Variants in SMDT1 observed in about 807,000 individuals in gnomAD.
The protein encoded by SMDT1 is essential MCU regulator, mitochondrial.
In SMDT1, 6 loss-of-function variants were observed where a neutral mutation model predicts 5.9. That is an observed-to-expected ratio of 1.03 (90% CI 0.56 to 2.02). The LOEUF (loss-of-function observed/expected upper bound fraction) is 2.02. SMDT1 is among the 30% of genes most tolerant of loss of function. The pLI, the probability that SMDT1 is intolerant of heterozygous loss-of-function variation, is 0.00. For missense variants in SMDT1, 159 were observed against 145.6 expected, an observed-to-expected ratio of 1.09 and a Z score of -0.47; for synonymous variants, 81 against 62.4, an observed-to-expected ratio of 1.30 and a Z score of -1.40.
chr22:42,079,732 G>C lies in SMDT1; in HGVS notation c.-37G>C, dbSNP rs767256057. ...AGGGCGGCACGAGGGCTGGGCGGTG[G>C]GGTGCGGGTGCCCGGGTGAGGGGCG... is the stretch of plus-strand genomic sequence containing the variant. On this transcript the variant is annotated 5_prime_UTR_variant, in exon 1 of 3. Coordinates refer to ENST00000331479, the MANE Select transcript of SMDT1 (RefSeq NM_033318.5). 6 of 1,580,366 alleles carry C rather than the reference G, an allele frequency of 3.8e-6. No homozygotes were observed. In the South Asian group the frequency reaches 6.7e-5, roughly 18 times the overall value.
Position 42,080,004 on chromosome 22 carries a change from G to A in SMDT1, c.186+50G>A, listed in dbSNP as rs746440218. 5.2e-6 allele frequency: 8 copies of A among 1,552,012 alleles called. No individual in the cohort carries two copies. In the South Asian group the frequency reaches 9.6e-5, roughly 19 times the overall value. ...CGAAGGGGCTGAGGCCAATCATTGT[G>A]GGGAGTGCGTGAGGGCGGCGCTGAT... On this transcript the variant is annotated intron_variant, in intron 1 of 2. Coordinates refer to ENST00000331479, the MANE Select transcript of SMDT1 (RefSeq NM_033318.5).
Position 42,079,910 on chromosome 22 carries a change from G to C in SMDT1, c.142G>C (p.Val48Leu). ...CCGGAGCCTGGTACCGTCGAGGTCA[G>C]TCATCGTTACCCGCAGCGGCGCCAT... ...SGRSLVPSRS[V>L]IVTRSGAILP... The change falls in exon 1 of 3, where the codon GTC becomes CTC. Residue 48 changes from valine to leucine, a missense_variant. By Grantham distance (32) the Val-to-Leu change is conservative. Transcript: ENST00000331479. 2 of 1,613,766 alleles carry C rather than the reference G, an allele frequency of 1.2e-6. No individual in the cohort carries two copies. Among genetic ancestry groups the C allele is most frequent in the Non-Finnish European group, 8.5e-7 (1 of 1,179,858 alleles).
Position 42,079,751 on chromosome 22 carries a change from A to AG in SMDT1, c.-14dup, listed in dbSNP as rs754411361. On this transcript the variant is annotated 5_prime_UTR_variant, in exon 1 of 3. Transcript: ENST00000331479. ...GCGGTGGGGTGCGGGTGCCCGGGTGAGGGGCGGAGCTGGGGGCATGGCGTC... is the reference window on the plus strand; with the variant it reads ...GCGGTGGGGTGCGGGTGCCCGGGTGAGGGGGCGGAGCTGGGGGCATGGCGTC... 56 of 1,594,428 alleles carry AG rather than the reference A, an allele frequency of 3.5e-5. No individual in the cohort carries two copies. Among genetic ancestry groups the AG allele is most frequent in the Admixed American group, 2.0e-4 (12 of 59,052 alleles).
rs1043960050 is a variant in SMDT1 at position 42,080,061 on chromosome 22, C to T, written c.186+107C>T. ...GAGCCAAGGCCAATCATAACGATTA[C>T]CGTAGACTGGAAGGCGGACCAAGAA... is the stretch of plus-strand genomic sequence containing the variant. On this transcript the variant is annotated intron_variant, in intron 1 of 2. Transcript: ENST00000331479. 6 of 1,249,540 alleles carry T rather than the reference C, an allele frequency of 4.8e-6. No individual in the cohort carries two copies. The East Asian group carries it at 7.6e-5, about 16-fold the overall frequency. 77.4% of individuals were successfully genotyped at this position (1,249,540 alleles called of 1,614,324 possible).
chr22:42,079,762 T>G lies in SMDT1; in HGVS notation c.-7T>G, dbSNP rs1413420179. On this transcript the variant is annotated 5_prime_UTR_variant, in exon 1 of 3. Coordinates refer to ENST00000331479, the MANE Select transcript of SMDT1 (RefSeq NM_033318.5). ...CGGGTGCCCGGGTGAGGGGCGGAGC[T>G]GGGGGCATGGCGTCCGGAGCGGCTC... 3 of 1,603,384 alleles carry G rather than the reference T, an allele frequency of 1.9e-6. No individual in the cohort carries two copies. In the East Asian group the frequency reaches 6.7e-5, roughly 36 times the overall value.
intron 1 of SMDT1, 63 bp from the exon 2 acceptor site, chr22:42,081,862 G>A: frequency 6.2e-7 from 1 of 1,600,642 alleles, no homozygotes; most frequent in South Asian, 1.1e-5. Context: ...AGAGGGCCAG[G>A]TCTTCTTTGG....
intron 2 of SMDT1, 59 bp downstream of exon 2, chr22:42,082,124 G>A: frequency 1.3e-6 from 2 of 1,595,062 alleles, no homozygotes; most frequent in South Asian, 1.1e-5. Flanking sequence ...TGTCTGTGAT[G>A]CAGTCTGGCC....
rs919188139 is a variant in SMDT1, at chr22:42,083,938, G to A, written c.*823G>A. 6.6e-6 allele frequency: 1 copy of A among 152,160 alleles called. No homozygotes were observed. The highest frequency in any genetic ancestry group is 1.5e-5 in the Non-Finnish European group (1 of 68,044). 9.4% of individuals were successfully genotyped at this position (152,160 alleles called of 1,614,324 possible). On this transcript the variant is annotated 3_prime_UTR_variant, in exon 3 of 3. Transcript: ENST00000331479. ...CTCTGACCTACCTTGTCTGATTTTAGGTCATGAGACCCCCATTTCAGAAGG... is the reference window on the plus strand; with the variant it reads ...CTCTGACCTACCTTGTCTGATTTTAAGTCATGAGACCCCCATTTCAGAAGG...
At position 42,079,723 on chromosome 22, in the gene SMDT1, T is replaced by G; in HGVS notation, c.-46T>G. 1 of 1,568,242 alleles carries G rather than the reference T, an allele frequency of 6.4e-7. No individual in the cohort carries two copies. The highest frequency in any genetic ancestry group is 2.3e-5 in the East Asian group (1 of 44,008). ...TTCTTCCCGAGGGCGGCACGAGGGC[T>G]GGGCGGTGGGGTGCGGGTGCCCGGG... is the stretch of plus-strand genomic sequence containing the variant. On this transcript the variant is annotated 5_prime_UTR_variant, in exon 1 of 3. Transcript: ENST00000331479.
intron 1 of SMDT1, among the ~76,000 whole-genome samples, chr22:42,081,169 C>CTT (rs58944505): frequency 6.9e-5 from 10 of 144,098 alleles, no homozygotes; most frequent in East Asian, 2.0e-4. Context: ...ACCTTATCTC[C>CTT]TTTTTTTTTT....
At chr22:42,082,416 G>A (rs762349972) in intron 2 of SMDT1, among the ~76,000 whole-genome samples, 2 of 152,122 alleles carry the variant, frequency 1.3e-5, no homozygotes, top group Non-Finnish European at 2.9e-5. Flanking sequence ...AGCCAGGCTA[G>A]TCTCAAACTC....
intron 1 of SMDT1, among the ~76,000 whole-genome samples, chr22:42,081,627 A>AT (rs1234593083): frequency 1.3e-5 from 2 of 150,870 alleles, no homozygotes; most frequent in Non-Finnish European, 2.9e-5. Flanking sequence ...TGCTGGGTCA[A>AT]TTTTTTGTAT....
rs982159427 is a variant in SMDT1, at chr22:42,079,700, C to T, written c.-69C>T. 84 of 1,514,650 alleles carry T rather than the reference C, an allele frequency of 5.5e-5. 2 individuals are homozygous for T. The South Asian group carries it at 9.8e-4, about 18-fold the overall frequency. 93.8% of individuals were successfully genotyped at this position (1,514,650 alleles called of 1,614,324 possible). On this transcript the variant is annotated 5_prime_UTR_variant, in exon 1 of 3. Transcript: ENST00000331479. ...CTCTCGCGAGGCTTCGGGCGGCTTT[C>T]TTCCCGAGGGCGGCACGAGGGCTGG...
intron 2 of SMDT1, among the ~76,000 whole-genome samples, chr22:42,082,549 A>T (rs1201850997): frequency 1.3e-5 from 2 of 152,218 alleles, no homozygotes; most frequent in African/African-American, 4.8e-5. Flanking sequence ...TCAAGAGATG[A>T]GGACACTCCT....
chr22:42,082,057 G>GACT lies in SMDT1; in HGVS notation c.321_323dup (p.Asp107_Ter108insTyr). Reference sequence around the variant, plus strand: ...TGTTCCAGAGGATGATGATGATGATGACTAACAGGTAAGACTTGCTTTACC... The same window carrying GACT: ...TGTTCCAGAGGATGATGATGATGATGACTACTAACAGGTAAGACTTGCTTTACC... On this transcript the variant is annotated inframe_insertion, in exon 2 of 3. Coordinates refer to ENST00000331479, the MANE Select transcript of SMDT1 (RefSeq NM_033318.5). 6.2e-7 allele frequency: 1 copy of GACT among 1,611,748 alleles called. No individual in the cohort carries two copies. The highest frequency in any genetic ancestry group is 8.5e-7 in the Non-Finnish European group (1 of 1,179,998).
chr22:42,079,893 T>C lies in SMDT1; in HGVS notation c.125T>C (p.Leu42Pro). ...SAAWSGSGRS[L>P]VPSRSVIVTR... The stretch of plus-strand genomic sequence containing the variant: ...GCATGGAGCGGCTCAGGCCGGAGCC[T>C]GGTACCGTCGAGGTCAGTCATCGTT... The change falls in exon 1 of 3, where the codon CTG (leucine) becomes CCG (proline). Residue 42 changes from leucine to proline, a missense_variant. By Grantham distance (98) the Leu-to-Pro change is moderately conservative. Transcript: ENST00000331479. The C allele has an allele frequency of 3.1e-6, 5 of 1,614,166 alleles. No individual in the cohort carries two copies. The highest frequency in any genetic ancestry group is 4.2e-6 in the Non-Finnish European group (5 of 1,180,008).
At chr22:42,082,389 C>T (rs768670968) in intron 2 of SMDT1, among the ~76,000 whole-genome samples, 2 of 152,078 alleles carry the variant, frequency 1.3e-5, no homozygotes, top group South Asian at 4.1e-4. Context: ...TTAGTAGAGA[C>T]GGGGTTTCTC....
intron 1 of SMDT1, 47 bp from the exon 2 acceptor site, chr22:42,081,878 C>T (rs1927805037): frequency 1.2e-6 from 2 of 1,609,496 alleles, no homozygotes; most frequent in Non-Finnish European, 1.7e-6. Flanking sequence ...TTTGGTCCTG[C>T]CAGAGTGGGC....
chr22:42,081,499 C>G (rs1927783507), intron 1 of SMDT1, among the ~76,000 whole-genome samples: 1 of 150,614 alleles, frequency 6.6e-6, no homozygotes, highest in Admixed American at 6.6e-5. Context: ...CTCACTCTGT[C>G]TCCCAGGCTG....
Sources: allele counts gnomAD v4.1 joint callset (sites outside exome capture counted in the v4.1 genomes callset), GRCh38; gene constraint gnomAD v4.1.1; transcripts MANE v1.5; gene names NCBI Gene and HGNC (gene_info 2026-07-23, HGNC 2026-07-21).